Variants in CDK14 observed in about 807,000 individuals in gnomAD.
CDK14 encodes cyclin dependent kinase 14.
A neutral mutation model predicts 60.7 loss-of-function variants in CDK14; 34 were observed. That is an observed-to-expected ratio of 0.56 (90% CI 0.43 to 0.75). CDK14 has a LOEUF of 0.75. CDK14 is among the 30% of genes least tolerant of loss of function. The pLI, the probability that CDK14 is intolerant of heterozygous loss-of-function variation, is 0.00. For missense variants in CDK14, 482 were observed against 564.1 expected, an observed-to-expected ratio of 0.85 and a Z score of 1.47; for synonymous variants, 197 against 203.7, an observed-to-expected ratio of 0.97 and a Z score of 0.28.
intron 8 of CDK14, among the ~76,000 whole-genome samples, chr7:90,933,703 A>G (rs1429837324): frequency 6.6e-6 from 1 of 152,228 alleles, no homozygotes; most frequent in African/African-American, 2.4e-5. Context: ...ATAGGATTTC[A>G]TGAAGTTTTA....
intron 8 of CDK14, among the ~76,000 whole-genome samples, chr7:90,951,463 C>G (rs1794261229): frequency 6.6e-6 from 1 of 152,174 alleles, no homozygotes; most frequent in South Asian, 2.1e-4. Flanking sequence ...TTATTAATTT[C>G]ACTTAGTTAG....
At chr7:90,774,316 G>A (rs1287322779) in intron 4 of CDK14, among the ~76,000 whole-genome samples, 1 of 152,154 alleles carries the variant, frequency 6.6e-6, no homozygotes, top group Non-Finnish European at 1.5e-5. Context: ...TCTTCAACAT[G>A]TGTAGGTAGT....
In CDK14 at chr7:90,596,434, G is replaced by A; in HGVS notation, c.-194G>A. The A allele has an allele frequency of 2.3e-6, 1 of 425,682 alleles. No homozygotes were observed. The highest frequency in any genetic ancestry group is 4.2e-6 in the Non-Finnish European group (1 of 238,440). The allele number at this position is 425,682 out of a possible 1,614,324, so 26.4% of individuals were successfully genotyped here. The stretch of plus-strand genomic sequence containing the variant: ...AACCGCCCCCGCCCGCCCAGCTGCG[G>A]CCCAGGCCGGAGCGGAGCCTGCCGT... On this transcript the variant is annotated 5_prime_UTR_variant, in exon 1 of 15. Transcript: ENST00000380050.
At chr7:90,974,499 G>T (rs978764148) in intron 9 of CDK14, among the ~76,000 whole-genome samples, 5 of 152,162 alleles carry the variant, frequency 3.3e-5, no homozygotes, top group Non-Finnish European at 1.5e-5. Flanking sequence ...GCTTCAGCCA[G>T]TCCCTCTGTT....
chr7:90,875,959 T>G (rs1157499725), intron 6 of CDK14, among the ~76,000 whole-genome samples: 1 of 152,202 alleles, frequency 6.6e-6, no homozygotes, highest in Non-Finnish European at 1.5e-5. Context: ...ATTTTCTCAC[T>G]GAAAATATTA....
chr7:90,833,313 C>T (rs1403723430), intron 5 of CDK14, among the ~76,000 whole-genome samples: 1 of 152,136 alleles, frequency 6.6e-6, no homozygotes, highest in Non-Finnish European at 1.5e-5. Context: ...TACAATGTAT[C>T]TGCATGTCAG....
At chr7:90,832,194 T>C (rs1361222412) in intron 5 of CDK14, among the ~76,000 whole-genome samples, 1 of 152,226 alleles carries the variant, frequency 6.6e-6, no homozygotes, top group Non-Finnish European at 1.5e-5. Context: ...GTTATGTATG[T>C]GTATTTGTTT....
intron 11 of CDK14, among the ~76,000 whole-genome samples, chr7:91,049,683 T>G (rs1797337838): frequency 6.6e-6 from 1 of 152,240 alleles, no homozygotes; most frequent in Admixed American, 6.5e-5. Context: ...TAACCTAATT[T>G]CCCAGTAGTT....
intron 2 of CDK14, among the ~76,000 whole-genome samples, chr7:90,642,570 G>C (rs1800364334): frequency 6.6e-6 from 1 of 151,980 alleles, no homozygotes; most frequent in African/African-American, 2.4e-5. Context: ...TATAGAGACA[G>C]GGTTTCGCCA....
chr7:90,825,460 G>C (rs550682321), intron 5 of CDK14, among the ~76,000 whole-genome samples: 7 of 152,278 alleles, frequency 4.6e-5, no homozygotes, highest in Non-Finnish European at 1.0e-4. Flanking sequence ...ACCATAGTTT[G>C]TTTCTAAAAA....
intron 2 of CDK14, among the ~76,000 whole-genome samples, chr7:90,660,104 A>C (rs1302810403): frequency 6.6e-6 from 1 of 152,194 alleles, no homozygotes; most frequent in Non-Finnish European, 1.5e-5. Context: ...AATGGTTTAC[A>C]GTGCTTCTGT....
At chr7:90,736,554 C>G (rs7796573) in intron 3 of CDK14, among the ~76,000 whole-genome samples, 65,929 of 151,526 alleles carry the variant, frequency 0.44, 15,157 homozygotes, top group East Asian at 0.81. Context: ...TTTAACAATG[C>G]TTAGAGGATG....
intron 2 of CDK14, among the ~76,000 whole-genome samples, chr7:90,674,444 C>G (rs1189972542): frequency 1.3e-5 from 2 of 152,096 alleles, no homozygotes; most frequent in Non-Finnish European, 2.9e-5. Context: ...GGTGGGAACA[C>G]AAATTCCCCT....
chr7:90,820,661 T>C (rs950590626), intron 5 of CDK14, among the ~76,000 whole-genome samples: 7 of 152,190 alleles, frequency 4.6e-5, no homozygotes, highest in African/African-American at 1.4e-4. Flanking sequence ...TTTATAGCAG[T>C]GTGAAAACAG....
chr7:91,006,936 T>G (rs1754694967), intron 10 of CDK14, among the ~76,000 whole-genome samples: 1 of 152,196 alleles, frequency 6.6e-6, no homozygotes, highest in African/African-American at 2.4e-5. Flanking sequence ...TCCTGAAAAT[T>G]TAGGTCATGC....
chr7:91,128,691 A>T (rs1295784903), intron 14 of CDK14, among the ~76,000 whole-genome samples: 6 of 151,160 alleles, frequency 4.0e-5, no homozygotes, highest in African/African-American at 1.5e-4. Flanking sequence ...AGAAGCCCTT[A>T]CCGTAAACTC....
chr7:90,906,004 C>G (rs1427314641), intron 7 of CDK14, among the ~76,000 whole-genome samples: 1 of 152,104 alleles, frequency 6.6e-6, no homozygotes, highest in African/African-American at 2.4e-5. Flanking sequence ...CAAGGGTCTC[C>G]TCCAGAGTTG....
intron 8 of CDK14, among the ~76,000 whole-genome samples, chr7:90,933,870 T>C (rs1416434120): frequency 6.6e-6 from 1 of 152,244 alleles, no homozygotes; most frequent in East Asian, 1.9e-4. Context: ...ACAGCAAAGC[T>C]GGAGAGTAGA....
chr7:91,196,231 GTT>G (rs1802535964), intron 14 of CDK14, among the ~76,000 whole-genome samples: 1 of 152,118 alleles, frequency 6.6e-6, no homozygotes, highest in South Asian at 2.1e-4. Flanking sequence ...GATTGGTCAC[GTT>G]TGTCTATATC....
Sources: gnomAD v4.1 joint callset for allele counts (sites outside exome capture counted in the v4.1 genomes callset) on GRCh38, gnomAD v4.1.1 for gene constraint, MANE v1.5 for transcripts, NCBI Gene and HGNC (gene_info 2026-07-23, HGNC 2026-07-21) for gene names.